The following CNTNAP2 variants were observed in gnomAD, a reference collection of about 807,000 sequenced individuals.
CNTNAP2 encodes contactin-associated protein-like 2.
Under a neutral mutation model 155.2 loss-of-function variants are expected in CNTNAP2, and 98 were observed. The ratio of observed to expected loss-of-function variants is 0.63; its 90% confidence interval spans 0.54 to 0.75. The LOEUF is 0.75. Ranked by LOEUF, CNTNAP2 falls within the 30% of genes least tolerant of loss-of-function variation. The pLI is 0.00. For synonymous variants in CNTNAP2, 651 were observed against 631.2 expected, an observed-to-expected ratio of 1.03 and a Z score of -0.47; for missense variants, 1,727 against 1,688.1, an observed-to-expected ratio of 1.02 and a Z score of -0.40.
At chr7:147,679,227 A>G (rs986241729) in intron 13 of CNTNAP2, among the ~76,000 whole-genome samples, 3 of 151,912 alleles carry the variant, frequency 2.0e-5, no homozygotes, top group Non-Finnish European at 2.9e-5. Context: ...CTCTGAAAAA[A>G]CATAATTAAG....
rs79533305 is a variant in CNTNAP2, at chr7:146,671,453, G to A, written c.98-102818G>A. Among the ~76,000 whole-genome samples the A allele has an allele frequency of 9.5e-3, 575 of 60,264 alleles. 2 individuals are homozygous for A. Among genetic ancestry groups the A allele is most frequent in the African/African-American group, 0.018 (521 of 28,942 alleles). The allele number at this position is 60,264 out of a possible 152,430, so 39.5% of individuals were successfully genotyped here. A position where few individuals can be genotyped will look rare whatever the true frequency, so the allele number is the denominator to read the frequency against. On this transcript the variant is annotated intron_variant, in intron 1 of 23. Transcript: ENST00000361727. ...CTCACACACACACACACACACACAC[G>A]GACACACATATACAAAAGCAACCCT...
intron 1 of CNTNAP2, among the ~76,000 whole-genome samples, chr7:146,635,578 TAAAAG>T (rs755762488): frequency 6.6e-6 from 1 of 152,190 alleles, no homozygotes; most frequent in African/African-American, 2.4e-5. Flanking sequence ...GAATTCTTCT[TAAAAG>T]AGAATACTGG....
chr7:147,147,945 A>G (rs1209567277), intron 8 of CNTNAP2, among the ~76,000 whole-genome samples: 2 of 152,210 alleles, frequency 1.3e-5, no homozygotes, highest in Non-Finnish European at 2.9e-5. Context: ...AATATTGCAA[A>G]CACACACACA....
chr7:147,930,543 T>TA (rs1325547621), intron 14 of CNTNAP2, among the ~76,000 whole-genome samples: 13 of 152,346 alleles, frequency 8.5e-5, no homozygotes, highest in Admixed American at 2.6e-4. Context: ...GTAACAATTT[T>TA]ATATGCACCC....
At chr7:147,468,868 T>C (rs2116603695) in intron 10 of CNTNAP2, among the ~76,000 whole-genome samples, 1 of 150,926 alleles carries the variant, frequency 6.6e-6, no homozygotes, top group South Asian at 2.1e-4. Context: ...CCAGACAGAG[T>C]GTCACTCTTT....
chr7:146,414,042 G>T (rs1395031177), intron 1 of CNTNAP2, among the ~76,000 whole-genome samples: 1 of 152,078 alleles, frequency 6.6e-6, no homozygotes, highest in Non-Finnish European at 1.5e-5. Flanking sequence ...CTGGACATGT[G>T]AACTATGTTA....
chr7:147,822,199 C>T (rs1435666422), intron 13 of CNTNAP2, among the ~76,000 whole-genome samples: 7 of 151,944 alleles, frequency 4.6e-5, no homozygotes, highest in East Asian at 1.9e-4. Context: ...ACTCACCTCC[C>T]CACCTCACTC....
intron 1 of CNTNAP2, among the ~76,000 whole-genome samples, chr7:146,692,273 G>A (rs1297622998): frequency 1.3e-5 from 2 of 152,110 alleles, no homozygotes; most frequent in African/African-American, 2.4e-5. Flanking sequence ...AATGCATTTA[G>A]GAAATGCCGT....
At chr7:147,300,067 A>G in intron 8 of CNTNAP2, 74 bp from the exon 9 acceptor site, 1 of 1,485,736 alleles carries the variant, frequency 6.7e-7, no homozygotes, top group Non-Finnish European at 9.4e-7. Flanking sequence ...TAAAATCGTG[A>G]TTTGTTGATT....
chr7:147,841,734 G>A (rs1471714896), intron 13 of CNTNAP2, among the ~76,000 whole-genome samples: 1 of 152,078 alleles, frequency 6.6e-6, no homozygotes, highest in Non-Finnish European at 1.5e-5. Context: ...CAATACATCT[G>A]AAATGTTGAA....
chr7:148,028,891 A>G (rs1269704952), intron 15 of CNTNAP2, among the ~76,000 whole-genome samples: 1 of 152,214 alleles, frequency 6.6e-6, no homozygotes, highest in Non-Finnish European at 1.5e-5. Context: ...TTCCTGGAAC[A>G]CAAGTCTTCA....
intron 15 of CNTNAP2, among the ~76,000 whole-genome samples, chr7:148,058,845 G>A (rs1803073594): frequency 6.6e-6 from 1 of 152,128 alleles, no homozygotes; most frequent in South Asian, 2.1e-4. Flanking sequence ...AATAGCCCAG[G>A]TGTTAGAAAG....
chr7:147,710,597 C>T (rs1796388381), intron 13 of CNTNAP2, among the ~76,000 whole-genome samples: 2 of 152,096 alleles, frequency 1.3e-5, no homozygotes, highest in South Asian at 2.1e-4. Flanking sequence ...CTCTTTTATA[C>T]TTTTATCATA....
chr7:147,067,296 A>G, intron 4 of CNTNAP2, among the ~76,000 whole-genome samples: 1 of 150,368 alleles, frequency 6.7e-6, no homozygotes, highest in East Asian at 2.0e-4. Context: ...TCTCAAAAAA[A>G]AAAAAAAAAA....
chr7:148,041,501 T>C (rs963205792), intron 15 of CNTNAP2, among the ~76,000 whole-genome samples: 1 of 152,218 alleles, frequency 6.6e-6, no homozygotes, highest in Non-Finnish European at 1.5e-5. Context: ...CAACCCTAGA[T>C]TAATCTGAGT....
chr7:147,178,130 C>A (rs534949182), intron 8 of CNTNAP2, among the ~76,000 whole-genome samples: 1 of 152,174 alleles, frequency 6.6e-6, no homozygotes, highest in African/African-American at 2.4e-5. Context: ...AGGGACTTTG[C>A]AGATATGCTT....
intron 12 of CNTNAP2, among the ~76,000 whole-genome samples, chr7:147,590,207 A>AT (rs1426497178): frequency 2.0e-5 from 3 of 152,044 alleles, no homozygotes; most frequent in Non-Finnish European, 4.4e-5. Flanking sequence ...TCTTTTATTT[A>AT]TTTTTTATTT....
intron 8 of CNTNAP2, among the ~76,000 whole-genome samples, chr7:147,263,973 A>G (rs779626560): frequency 1.3e-5 from 2 of 152,204 alleles, no homozygotes; most frequent in Non-Finnish European, 2.9e-5. Flanking sequence ...CTCAGGATTC[A>G]GAGGACTGTC....
intron 9 of CNTNAP2, among the ~76,000 whole-genome samples, chr7:147,366,716 T>G (rs928822824): frequency 5.9e-5 from 9 of 152,078 alleles, no homozygotes; most frequent in Non-Finnish European, 8.8e-5. Context: ...TATCTTTTGA[T>G]ATCCACAATC....
Sources: allele counts gnomAD v4.1 joint callset (sites outside exome capture counted in the v4.1 genomes callset), GRCh38; gene constraint gnomAD v4.1.1; transcripts MANE v1.5; gene names NCBI Gene and HGNC (gene_info 2026-07-23, HGNC 2026-07-21).